The following EYA1 variants were observed in gnomAD, a reference collection of about 807,000 sequenced individuals.
EYA1 encodes protein phosphatase EYA1.
Under a neutral mutation model 82.0 loss-of-function variants are expected in EYA1, and 16 were observed. The observed-to-expected ratio is 0.20, with a 90% CI of 0.13 to 0.30. The LOEUF (loss-of-function observed/expected upper bound fraction) is 0.30. Among genes scored for constraint, EYA1 ranks in the 10% least tolerant of loss-of-function variants. The pLI is 1.00. For synonymous variants in EYA1, 261 were observed against 264.4 expected (o/e 0.99, Z 0.12); for missense variants, 633 against 730.7 (o/e 0.87, Z 1.54).
At position 71,387,473 on chromosome 8, in the gene EYA1, G is replaced by A. The variant is rs552944739; in HGVS notation, c.34-30962C>T. Among the ~76,000 whole-genome samples the A allele has an allele frequency of 2.6e-5, 4 of 152,278 alleles. No individual in the cohort carries two copies. In the East Asian group the frequency reaches 7.7e-4, roughly 29 times the overall value. ...ACTTAAGAGTGTAGCAGTGGTCCAG[G>A]TGAGAGAGACGGACTTAGACCAGAG... On this transcript the variant is annotated intron_variant, in intron 2 of 18. Transcript: ENST00000643681.
At chr8:71,230,099 C>A (rs1275543051) in intron 12 of EYA1, among the ~76,000 whole-genome samples, 1 of 152,122 alleles carries the variant, frequency 6.6e-6, no homozygotes, top group Non-Finnish European at 1.5e-5. Context: ...TCTCCAGGGA[C>A]TGCAACTTAA....
chr8:71,370,718 C>G (rs139600476), intron 2 of EYA1, among the ~76,000 whole-genome samples: 1 of 152,130 alleles, frequency 6.6e-6, no homozygotes, highest in Non-Finnish European at 1.5e-5. Context: ...ACTTGGCAGG[C>G]TCAACCAATC....
chr8:71,319,280 G>A (rs1402576810), intron 6 of EYA1, among the ~76,000 whole-genome samples: 3 of 151,878 alleles, frequency 2.0e-5, no homozygotes, highest in East Asian at 1.9e-4. Flanking sequence ...ACAGGCACCC[G>A]CCACCACGCC....
At chr8:71,454,275 C>T (rs7826732) in intron 2 of EYA1, among the ~76,000 whole-genome samples, 149,710 of 152,292 alleles carry the variant, frequency 0.98, 73,615 homozygotes, top group East Asian at 1. Flanking sequence ...ATAAAGCAAG[C>T]TGTTAGAGAC....
chr8:71,238,363 T>G (rs1812091327), intron 12 of EYA1, among the ~76,000 whole-genome samples: 1 of 152,170 alleles, frequency 6.6e-6, no homozygotes, highest in South Asian at 2.1e-4. Context: ...AGACATTCAT[T>G]TCCCATGTTT....
rs561111097 is a variant in EYA1 at position 71,354,785 on chromosome 8, C to G, written c.121G>C (p.Glu41Gln). 1.8e-4 allele frequency: 286 copies of G among 1,612,936 alleles called. 7 individuals are homozygous for G. The South Asian group carries it at 2.3e-3, about 13-fold the overall frequency. Residue 41 changes from glutamate (E) to glutamine (Q), a missense_variant, in exon 3 of 18, where the codon GAA becomes CAA. By Grantham distance (29) the Glu-to-Gln change is conservative. Transcript: ENST00000340726. Reference protein sequence around the residue: ...NSNSMTPNGTEVKTEPMSSSE... With the variant: ...NSNSMTPNGTQVKTEPMSSSE... ...TAGTGAGAAGGCAGACACTCACCTT[C>G]GGTGCCATTGGGAGTCATGGAATTA...
At chr8:71,346,444 A>C (rs1016171096) in intron 3 of EYA1, among the ~76,000 whole-genome samples, 5 of 142,694 alleles carry the variant, frequency 3.5e-5, no homozygotes, top group African/African-American at 7.7e-5. Context: ...ATATATATAT[A>C]TATATATATA....
intron 2 of EYA1, among the ~76,000 whole-genome samples, chr8:71,492,687 A>G (rs993455816): frequency 2.0e-5 from 3 of 151,846 alleles, no homozygotes; most frequent in African/African-American, 2.4e-5. Context: ...GGATGGTCTC[A>G]ATCTCCTGAC....
At chr8:71,339,385 C>A (rs911168445) in intron 3 of EYA1, among the ~76,000 whole-genome samples, 1 of 152,130 alleles carries the variant, frequency 6.6e-6, no homozygotes, top group Non-Finnish European at 1.5e-5. Flanking sequence ...GAACAGGTGC[C>A]ATACATGCTG....
At chr8:71,280,994 C>T (rs1453962235) in intron 9 of EYA1, among the ~76,000 whole-genome samples, 7 of 152,130 alleles carry the variant, frequency 4.6e-5, no homozygotes, top group Admixed American at 2.0e-4. Context: ...TGGGATCAAG[C>T]GATCTGCCTG....
chr8:71,268,172 A>G (rs17710245), intron 11 of EYA1, among the ~76,000 whole-genome samples: 36,611 of 149,922 alleles, frequency 0.24, 5,173 homozygotes, highest in Non-Finnish European at 0.33. Context: ...ATACTCTTAG[A>G]TAACTCTCTT....
intron 17 of EYA1, among the ~76,000 whole-genome samples, chr8:71,206,913 G>A (rs904817765): frequency 2.7e-5 from 4 of 146,080 alleles, no homozygotes; most frequent in African/African-American, 7.5e-5. Context: ...CCACCACCAC[G>A]CCCGGGTAAT....
chr8:71,532,091 T>C (rs1250769368), intron 2 of EYA1, among the ~76,000 whole-genome samples: 2 of 152,166 alleles, frequency 1.3e-5, no homozygotes, highest in East Asian at 3.9e-4. Flanking sequence ...GATAGGAATA[T>C]TGCACTTTTC....
intron 2 of EYA1, among the ~76,000 whole-genome samples, chr8:71,455,479 C>T (rs1807811299): frequency 6.6e-6 from 1 of 152,104 alleles, no homozygotes; most frequent in African/African-American, 2.4e-5. Context: ...AGACCAATAC[C>T]CCTGATGAAC....
chr8:71,305,246 G>C lies in EYA1; in HGVS notation c.557-5526C>G, dbSNP rs1820597548. Reference sequence around the variant, plus strand: ...GACACCTCCAGATAAATAAAATAGAGCCGCTACATCCTATAATGCAAGGTT... The same window carrying C: ...GACACCTCCAGATAAATAAAATAGACCCGCTACATCCTATAATGCAAGGTT... On this transcript the variant is annotated intron_variant, in intron 7 of 17. Transcript: ENST00000340726. Among the ~76,000 whole-genome samples the C allele has an allele frequency of 1.4e-5, 2 of 142,788 alleles. 1 individual carries two copies. Among genetic ancestry groups the C allele is most frequent in the African/African-American group, 5.0e-5 (2 of 40,366 alleles). The allele number at this position is 142,788 out of a possible 152,430, so 93.7% of individuals were successfully genotyped here.
intron 9 of EYA1, among the ~76,000 whole-genome samples, chr8:71,298,815 A>C (rs1370585418): frequency 1.3e-5 from 2 of 152,228 alleles, no homozygotes; most frequent in Admixed American, 6.5e-5. Context: ...ATATTTACAA[A>C]TAAAATCTCT....
intron 2 of EYA1, among the ~76,000 whole-genome samples, chr8:71,478,399 T>C (rs1809835618): frequency 6.6e-6 from 1 of 152,096 alleles, no homozygotes; most frequent in South Asian, 2.1e-4. Context: ...CATAGTCCAA[T>C]AGAGCCCATC....
chr8:71,369,320 CT>C (rs1295096828), intron 2 of EYA1, among the ~76,000 whole-genome samples: 2 of 151,128 alleles, frequency 1.3e-5, no homozygotes, highest in East Asian at 3.9e-4. Flanking sequence ...AAATGCTATT[CT>C]TTTCCTTAAG....
At chr8:71,387,583 A>G (rs1306880904) in intron 2 of EYA1, among the ~76,000 whole-genome samples, 1 of 152,174 alleles carries the variant, frequency 6.6e-6, no homozygotes, top group East Asian at 1.9e-4. Context: ...GATTTATGTT[A>G]TGGTAGAGCT....
Sources: allele counts gnomAD v4.1 joint callset (sites outside exome capture counted in the v4.1 genomes callset), GRCh38; gene constraint gnomAD v4.1.1; transcripts MANE v1.5; gene names NCBI Gene and HGNC (gene_info 2026-07-23, HGNC 2026-07-21).